Variants in MTTP observed in about 807,000 individuals in gnomAD.
MTTP encodes microsomal triglyceride transfer protein.
A neutral mutation model predicts 90.6 loss-of-function variants in MTTP; 49 were observed. That is an observed-to-expected ratio of 0.54 (90% CI 0.43 to 0.69). The LOEUF (loss-of-function observed/expected upper bound fraction) is 0.69. MTTP is among the 30% of genes least tolerant of loss of function. The pLI, the probability that MTTP is intolerant of heterozygous loss-of-function variation, is 0.00. For missense variants in MTTP, 945 were observed against 1,067.5 expected (o/e 0.89, Z 1.60); for synonymous variants, 347 against 384.2 (o/e 0.90, Z 1.13).
At chr4:99,613,940 T>C (rs1383497064) in intron 15 of MTTP, among the ~76,000 whole-genome samples, 3 of 152,222 alleles carry the variant, frequency 2.0e-5, no homozygotes, top group Non-Finnish European at 4.4e-5. Context: ...TCTTTAATAG[T>C]TTGATTTATT....
chr4:99,611,983 G>T (rs999730127), intron 14 of MTTP, among the ~76,000 whole-genome samples: 5 of 152,138 alleles, frequency 3.3e-5, no homozygotes, highest in African/African-American at 9.7e-5. Context: ...GCATTCAACA[G>T]CTGGCTGACT....
intron 1 of MTTP, among the ~76,000 whole-genome samples, chr4:99,575,732 T>C (rs1724940412): frequency 6.6e-6 from 1 of 152,242 alleles, no homozygotes; most frequent in South Asian, 2.1e-4. Context: ...TCAGATCAGC[T>C]ACATTATAAA....
At chr4:99,587,094 A>C (rs1159089893) in intron 3 of MTTP, among the ~76,000 whole-genome samples, 1 of 152,178 alleles carries the variant, frequency 6.6e-6, no homozygotes, top group Non-Finnish European at 1.5e-5. Flanking sequence ...TGAAATAATA[A>C]ATTTAAGATT....
intron 1 of MTTP, among the ~76,000 whole-genome samples, chr4:99,569,179 A>G (rs555525180): frequency 1.6e-4 from 24 of 152,158 alleles, no homozygotes; most frequent in Non-Finnish European, 3.2e-4. Context: ...TCAAGAAAAT[A>G]GCACTTTACC....
chr4:99,608,638 A>G, intron 11 of MTTP, 128 bp from the exon 12 acceptor site: 2 of 797,134 alleles, frequency 2.5e-6, no homozygotes. Context: ...CCACCAAATC[A>G]CAAAGGAATC....
chr4:99,589,485 G>T (rs1725359802), intron 3 of MTTP, among the ~76,000 whole-genome samples, 158 bp from the exon 4 acceptor site: 1 of 152,074 alleles, frequency 6.6e-6, no homozygotes, highest in Non-Finnish European at 1.5e-5. Flanking sequence ...GATTTAAATA[G>T]CTTCTTTTCA....
At chr4:99,574,799 A>T, upstream of MTTP, 1 of 1,608,112 alleles carries the variant, frequency 6.2e-7, no homozygotes, top group Non-Finnish European at 8.5e-7. Flanking sequence ...GATAAACATG[A>T]TTGTTGCAGG....
At chr4:99,574,242 TCCAA>T (rs1194844235), upstream of MTTP, among the ~76,000 whole-genome samples, 1 of 152,206 alleles carries the variant, frequency 6.6e-6, no homozygotes, top group African/African-American at 2.4e-5. Context: ...GCTGATTTGC[TCCAA>T]CCTCATACAG....
chr4:99,618,893 G>A, intron 15 of MTTP, 81 bp from the exon 16 acceptor site: 1 of 1,546,544 alleles, frequency 6.5e-7, no homozygotes, highest in Non-Finnish European at 8.9e-7. Context: ...TACAGCAGGA[G>A]GTCAAATGTG....
At chr4:99,617,049 G>A (rs1302172831) in intron 15 of MTTP, among the ~76,000 whole-genome samples, 1 of 152,172 alleles carries the variant, frequency 6.6e-6, no homozygotes, top group Non-Finnish European at 1.5e-5. Flanking sequence ...GCACACCATA[G>A]CTTTCATTTG....
At position 99,594,714 on chromosome 4, in the gene MTTP, T is replaced by G. The variant is rs1222407761; in HGVS notation, c.759-19T>G. 9 of 1,613,458 alleles carry G rather than the reference T, an allele frequency of 5.6e-6. No homozygotes were observed. In the Admixed American group the frequency reaches 1.5e-4, roughly 27 times the overall value. On this transcript the variant is annotated intron_variant, in intron 6 of 17. Transcript: ENST00000265517. ...AAAAGAATGATTATAATATAGCATT[T>G]CCCTTTGGTATTATGCAGGCAGAAA...
chr4:99,616,322 C>T (rs563915582), intron 15 of MTTP, among the ~76,000 whole-genome samples: 80 of 152,248 alleles, frequency 5.3e-4, no homozygotes, highest in Non-Finnish European at 9.6e-4. Context: ...ATTGCTTGAG[C>T]CCAGCAGGTT....
At chr4:99,567,113 A>G (rs1192630599) in intron 1 of MTTP, among the ~76,000 whole-genome samples, 4 of 152,224 alleles carry the variant, frequency 2.6e-5, no homozygotes, top group Admixed American at 6.5e-5. Flanking sequence ...TGACTCCAAA[A>G]ATACAGAAAA....
chr4:99,609,082 G>A (rs2110230423), intron 12 of MTTP, 105 bp downstream of exon 12: 16 of 1,159,638 alleles, frequency 1.4e-5, no homozygotes, highest in Admixed American at 6.9e-5. Flanking sequence ...GCAGGGTTAC[G>A]TTGCATAAAA....
rs139940555 is a variant in MTTP, at chr4:99,581,241, G to T, written c.62-664G>T. Among the ~76,000 whole-genome samples, 23 of 152,260 alleles carry T rather than the reference G, an allele frequency of 1.5e-4. 1 individual carries two copies. In the East Asian group the frequency reaches 4.2e-3, roughly 28 times the overall value. On this transcript the variant is annotated intron_variant, in intron 1 of 17. Transcript: ENST00000265517. ...TTTTCTTGGCTCACAGTACAGATTT[G>T]TATACTATTTGATCTTTTTAAATTA...
At chr4:99,595,463 G>C (rs142075933) in intron 7 of MTTP, 10 of 162,368 alleles carry the variant, frequency 6.2e-5, no homozygotes, top group Admixed American at 2.9e-4. Flanking sequence ...GCATGAATCA[G>C]TTATGATATA....
At chr4:99,570,615 T>C (rs11933337), upstream of MTTP, 71,986 of 446,738 alleles carry the variant, frequency 0.16, 6,405 homozygotes, top group South Asian at 0.26. Context: ...CCAGAACCTG[T>C]GATAGTCTAA....
intron 6 of MTTP, among the ~76,000 whole-genome samples, chr4:99,593,434 A>T (rs770211736): frequency 1.8e-4 from 27 of 152,170 alleles, no homozygotes; most frequent in Admixed American, 7.9e-4. Flanking sequence ...TTCCGTAGTG[A>T]AGAGATGTGA....
Position 99,611,108 on chromosome 4 carries a change from G to A in MTTP, c.1770-35G>A, listed in dbSNP as rs373189733. Reference sequence around the variant, plus strand: ...TGACTTGGGAAACAGTCATTACAATGAATGTGCAGCTTTTTTTTTCCTCAT... The same window carrying A: ...TGACTTGGGAAACAGTCATTACAATAAATGTGCAGCTTTTTTTTTCCTCAT... On this transcript the variant is annotated intron_variant, in intron 12 of 17. Transcript: ENST00000265517. The A allele has an allele frequency of 3.2e-5, 50 of 1,583,942 alleles. No homozygotes were observed. The African/African-American group carries it at 5.9e-4, about 19-fold the overall frequency.
Sources: allele counts gnomAD v4.1 joint callset (sites outside exome capture counted in the v4.1 genomes callset), GRCh38; gene constraint gnomAD v4.1.1; transcripts MANE v1.5; gene names NCBI Gene and HGNC (gene_info 2026-07-23, HGNC 2026-07-21).